The following SDK1 variants were observed in gnomAD, a reference collection of about 807,000 sequenced individuals.
SDK1 encodes the protein sidekick cell adhesion molecule 1, also known as protein sidekick-1.
Under a neutral mutation model 245.5 loss-of-function variants are expected in SDK1, and 157 were observed. The ratio of observed to expected loss-of-function variants is 0.64; its 90% confidence interval spans 0.56 to 0.73. The LOEUF is 0.73. Ranked by LOEUF, SDK1 falls within the 30% of genes least tolerant of loss-of-function variation. The pLI is 0.00. For synonymous variants in SDK1, 1,647 were observed against 1,278.5 expected (o/e 1.29, Z -6.15); for missense variants, 3,583 against 3,002.3 (o/e 1.19, Z -4.52).
intron 1 of SDK1, among the ~76,000 whole-genome samples, chr7:3,465,482 C>T (rs1368594842): frequency 6.6e-6 from 1 of 152,190 alleles, no homozygotes; most frequent in Non-Finnish European, 1.5e-5. Context: ...TCTTGTGCCT[C>T]ACATTAGTGT....
At position 3,533,782 on chromosome 7, in the gene SDK1, C is replaced by T. The variant is rs149738192; in HGVS notation, c.299-85298C>T. Among the ~76,000 whole-genome samples the T allele has an allele frequency of 2.4e-3, 371 of 152,010 alleles. 1 individual carries two copies. Among genetic ancestry groups the T allele is most frequent in the East Asian group, 9.1e-3 (47 of 5,174 alleles). The stretch of plus-strand genomic sequence containing the variant: ...CATCCATCTCTTTGGCTGCTTCCCC[C>T]GCCCCCCATTCCTTGTTTCACGATA... On this transcript the variant is annotated intron_variant, in intron 1 of 44. Coordinates refer to ENST00000404826, the MANE Select transcript of SDK1 (RefSeq NM_152744.4).
intron 44 of SDK1, among the ~76,000 whole-genome samples, chr7:4,259,457 A>G (rs1787837783): frequency 6.6e-6 from 1 of 152,188 alleles, no homozygotes; most frequent in Admixed American, 6.5e-5. Context: ...AATAAATCTT[A>G]AACAGCCACA....
chr7:3,669,293 A>G (rs977682306), intron 4 of SDK1, among the ~76,000 whole-genome samples: 1 of 152,204 alleles, frequency 6.6e-6, no homozygotes, highest in Non-Finnish European at 1.5e-5. Context: ...TGTCTCATAA[A>G]CAGATACAGA....
intron 1 of SDK1, among the ~76,000 whole-genome samples, chr7:3,432,935 C>G (rs192719947): frequency 6.6e-6 from 1 of 152,200 alleles, no homozygotes; most frequent in Non-Finnish European, 1.5e-5. Context: ...CATGTTATTA[C>G]TAACTTGTAA....
intron 4 of SDK1, chr7:3,643,031 C>T (rs1009315418): frequency 6.6e-6 from 1 of 152,304 alleles, no homozygotes; most frequent in Admixed American, 6.5e-5. Flanking sequence ...TGGGAACCCA[C>T]CTGCTCTCTC....
rs1002272420 is a variant in SDK1 at position 3,615,522 on chromosome 7, T to G, written c.299-3558T>G. On this transcript the variant is annotated intron_variant, in intron 1 of 44. Transcript: ENST00000404826. ...TCTAACACTTTACTGCTTACATTCCTGCATCAGACCTAGATTATAAGCGCT... is the reference window on the plus strand; with the variant it reads ...TCTAACACTTTACTGCTTACATTCCGGCATCAGACCTAGATTATAAGCGCT... Among the ~76,000 whole-genome samples the G allele has an allele frequency of 4.9e-4, 74 of 151,782 alleles. 1 individual carries two copies. The highest frequency in any genetic ancestry group is 1.7e-3 in the African/African-American group (72 of 41,424).
At chr7:4,096,775 C>A (rs977088320) in intron 22 of SDK1, among the ~76,000 whole-genome samples, 1 of 151,888 alleles carries the variant, frequency 6.6e-6, no homozygotes, top group African/African-American at 2.4e-5. Context: ...GCCAGCAGGG[C>A]AGGTTCAGGC....
intron 40 of SDK1, among the ~76,000 whole-genome samples, chr7:4,232,543 A>G (rs983263026): frequency 6.6e-6 from 1 of 151,218 alleles, no homozygotes; most frequent in East Asian, 1.9e-4. Context: ...GCTCACTGCA[A>G]CCTCAACCTC....
chr7:3,544,948 G>A (rs917107012), intron 1 of SDK1, among the ~76,000 whole-genome samples: 7 of 152,094 alleles, frequency 4.6e-5, no homozygotes, highest in Non-Finnish European at 7.4e-5. Flanking sequence ...TAAAACTCAC[G>A]GACTCCTGAG....
At chr7:3,882,757 G>A (rs996528944) in intron 5 of SDK1, among the ~76,000 whole-genome samples, 1 of 151,992 alleles carries the variant, frequency 6.6e-6, no homozygotes, top group Non-Finnish European at 1.5e-5. Flanking sequence ...ACTTGGCAGG[G>A]TCTCTCCTGG....
At chr7:3,397,999 C>G (rs1778770676) in intron 1 of SDK1, among the ~76,000 whole-genome samples, 1 of 152,060 alleles carries the variant, frequency 6.6e-6, no homozygotes, top group African/African-American at 2.4e-5. Context: ...GAAAGCCAGG[C>G]ATGATGTACT....
At chr7:3,865,966 G>T (rs1780811503) in intron 5 of SDK1, among the ~76,000 whole-genome samples, 1 of 152,330 alleles carries the variant, frequency 6.6e-6, no homozygotes, top group African/African-American at 2.4e-5. Context: ...AGAGAGAGCA[G>T]CAGCGGACCT....
chr7:3,396,684 T>C (rs1323181470), intron 1 of SDK1, among the ~76,000 whole-genome samples: 1 of 151,778 alleles, frequency 6.6e-6, no homozygotes, highest in Non-Finnish European at 1.5e-5. Context: ...CTCTGATTAC[T>C]GTTTTCATGA....
intron 1 of SDK1, among the ~76,000 whole-genome samples, chr7:3,617,719 C>T (rs1377449148): frequency 6.6e-6 from 1 of 152,110 alleles, no homozygotes; most frequent in East Asian, 1.9e-4. Flanking sequence ...TTATTAGGAC[C>T]CCTCTCCCTT....
intron 32 of SDK1, among the ~76,000 whole-genome samples, chr7:4,165,999 G>T (rs1023586017): frequency 1.2e-4 from 18 of 151,952 alleles, no homozygotes; most frequent in Non-Finnish European, 2.5e-4. Flanking sequence ...GTATTTCCCA[G>T]GCTGGTCTTA....
chr7:4,070,258 G>A (rs1325990053), intron 20 of SDK1, among the ~76,000 whole-genome samples: 2 of 152,174 alleles, frequency 1.3e-5, no homozygotes, highest in South Asian at 2.1e-4. Flanking sequence ...CTCAGACCTT[G>A]GGACCAGATG....
chr7:3,624,138 T>C (rs1022270912), intron 2 of SDK1, among the ~76,000 whole-genome samples: 1 of 152,236 alleles, frequency 6.6e-6, no homozygotes, highest in Non-Finnish European at 1.5e-5. Flanking sequence ...ACAGTTCCTT[T>C]GAAGCCATCA....
chr7:4,266,529 TCCGAGGCCAG>T lies in SDK1; in HGVS notation c.*1147_*1156del, dbSNP rs1788482063. The stretch of plus-strand genomic sequence containing the variant: ...GCGCTGCTGCTGCCCCCTCTCCCAG[TCCGAGGCCAG>T]CTTTTAGCCTTAACAGGTTTTTTGG... On this transcript the variant is annotated 3_prime_UTR_variant, in exon 45 of 45. Transcript: ENST00000404826. The T allele has an allele frequency of 1.0e-6, 1 of 985,210 alleles. No individual in the cohort carries two copies. Among genetic ancestry groups the T allele is most frequent in the Non-Finnish European group, 1.2e-6 (1 of 829,938 alleles). The allele number at this position is 985,210 out of a possible 1,614,324, so 61.0% of individuals were successfully genotyped here. A position where few individuals can be genotyped will look rare whatever the true frequency, so the allele number is the denominator to read the frequency against.
At chr7:3,521,536 G>T (rs1252430750) in intron 1 of SDK1, among the ~76,000 whole-genome samples, 1 of 152,152 alleles carries the variant, frequency 6.6e-6, no homozygotes. Flanking sequence ...GGGAACTTGT[G>T]ATAAGCACTT....
Sources: allele counts gnomAD v4.1 joint callset (sites outside exome capture counted in the v4.1 genomes callset), GRCh38; gene constraint gnomAD v4.1.1; transcripts MANE v1.5; gene names NCBI Gene and HGNC (gene_info 2026-07-23, HGNC 2026-07-21).